The following NDUFAF6 variants were observed in gnomAD, a reference collection of about 807,000 sequenced individuals.
NDUFAF6 encodes NADH dehydrogenase (ubiquinone) complex I, assembly factor 6.
Under a neutral mutation model 40.8 loss-of-function variants are expected in NDUFAF6, and 45 were observed. The observed-to-expected ratio is 1.10, with a 90% CI of 0.87 to 1.42. NDUFAF6 has a LOEUF of 1.42. Among genes scored for constraint, NDUFAF6 ranks in the 40% most tolerant of loss-of-function variants. The pLI is 0.00. For missense variants in NDUFAF6, 435 were observed against 418.5 expected, an observed-to-expected ratio of 1.04 and a Z score of -0.34; for synonymous variants, 185 against 155.9, an observed-to-expected ratio of 1.19 and a Z score of -1.39.
downstream of NDUFAF6, among the ~76,000 whole-genome samples, chr8:95,059,249 A>G (rs1428559980): frequency 2.6e-5 from 4 of 152,080 alleles, no homozygotes; most frequent in African/African-American, 9.7e-5. Context: ...AGTCTTTGGT[A>G]TCAGCTATGA....
intron 1 of NDUFAF6, among the ~76,000 whole-genome samples, chr8:94,924,360 C>T (rs923928565): frequency 1.1e-4 from 17 of 152,128 alleles, no homozygotes; most frequent in South Asian, 2.1e-4. Context: ...GCACCCGGCC[C>T]CTTCCTCAGT....
intron 1 of NDUFAF6, chr8:94,939,876 T>A: frequency 6.2e-7 from 1 of 1,613,092 alleles, no homozygotes; most frequent in Non-Finnish European, 8.5e-7. Context: ...CTACTTGGGC[T>A]ATGTAATTCA....
intron 1 of NDUFAF6, chr8:94,940,333 A>G: frequency 7.9e-7 from 1 of 1,263,076 alleles, no homozygotes; most frequent in Non-Finnish European, 1.1e-6. Flanking sequence ...ACAGCACAGA[A>G]AAAGAAGAGA....
intron 9 of NDUFAF6, chr8:95,068,300 A>C (rs1832752122): frequency 6.6e-6 from 1 of 151,914 alleles, no homozygotes; most frequent in African/African-American, 2.4e-5. Context: ...AGGGAAAAGT[A>C]TATCTACTCC....
chr8:94,924,729 T>C (rs529795077), intron 1 of NDUFAF6, among the ~76,000 whole-genome samples: 16 of 151,470 alleles, frequency 1.1e-4, no homozygotes, highest in Admixed American at 7.2e-4. Context: ...CATTCCAGAG[T>C]AGGGTTTTTG....
At chr8:95,013,355 C>T (rs1827303926) in intron 2 of NDUFAF6, among the ~76,000 whole-genome samples, 1 of 152,224 alleles carries the variant, frequency 6.6e-6, no homozygotes. Context: ...ATCCTCCCAC[C>T]ATGGCCTCCC....
intron 1 of NDUFAF6, among the ~76,000 whole-genome samples, chr8:94,920,816 T>G (rs1586652772): frequency 1.3e-5 from 2 of 152,104 alleles, no homozygotes; most frequent in African/African-American, 4.8e-5. Flanking sequence ...TCATTTAGGG[T>G]TCTGCATTCA....
chr8:95,050,615 A>G (rs1831320571), intron 7 of NDUFAF6, among the ~76,000 whole-genome samples: 1 of 152,236 alleles, frequency 6.6e-6, no homozygotes, highest in Non-Finnish European at 1.5e-5. Flanking sequence ...CATATTGTAC[A>G]TGAAATATGT....
chr8:95,005,554 A>ATAAATATAT (rs1554657858), intron 2 of NDUFAF6, among the ~76,000 whole-genome samples: 2 of 115,354 alleles, frequency 1.7e-5, no homozygotes, highest in African/African-American at 7.5e-5. Flanking sequence ...TATATATATA[A>ATAAATATAT]AAAATATATT....
chr8:95,041,572 T>A lies in NDUFAF6; in HGVS notation c.423T>A (p.Ala141=), dbSNP rs1164313338. ...TTATAATGCTCTTTGTTTTTTAGGCTGTTAAAAGACATAATCTGACTAAAA... is the reference window on the plus strand; with the variant it reads ...TTATAATGCTCTTTGTTTTTTAGGCAGTTAAAAGACATAATCTGACTAAAA... ...HQPVAIELWK[A]VKRHNLTKRW... The change falls in exon 4 of 9, where the codon GCT becomes GCA. Residue 141 remains alanine (A), a splice_region_variant and synonymous_variant. Transcript: ENST00000396124. The A allele has an allele frequency of 6.2e-7, 1 of 1,605,746 alleles. No individual in the cohort carries two copies. The highest frequency in any genetic ancestry group is 8.5e-7 in the Non-Finnish European group (1 of 1,172,670).
chr8:95,010,888 G>T (rs567963762), intron 2 of NDUFAF6, among the ~76,000 whole-genome samples: 3 of 152,344 alleles, frequency 2.0e-5, no homozygotes, highest in African/African-American at 4.8e-5. Flanking sequence ...AAGGAAGCAG[G>T]CTTGGGCAGA....
chr8:94,930,367 T>C, intron 1 of NDUFAF6: 5 of 1,423,132 alleles, frequency 3.5e-6, no homozygotes, highest in East Asian at 2.3e-5. Flanking sequence ...GATAAAACTA[T>C]GTGATTGGTT....
chr8:95,057,267 T>C (rs1374308330), intron 8 of NDUFAF6, among the ~76,000 whole-genome samples: 1 of 152,256 alleles, frequency 6.6e-6, no homozygotes, highest in Non-Finnish European at 1.5e-5. Context: ...TCTATCCTGC[T>C]GCTATCCTTG....
downstream of NDUFAF6, among the ~76,000 whole-genome samples, chr8:95,105,066 C>CACAGAGAGAG (rs1484172223): frequency 1.4e-5 from 1 of 72,770 alleles, no homozygotes; most frequent in African/African-American, 4.1e-5. Flanking sequence ...CACACACACA[C>CACAGAGAGAG]AGAGAGAGAG....
At position 94,940,029 on chromosome 8, in the gene NDUFAF6, G is replaced by C. The variant is rs200402440; in HGVS notation, c.-935-5454G>C. On this transcript the variant is annotated intron_variant, in intron 1 of 14. Transcript: ENST00000396113. ...GTTAATCCACCTGCAGTAAAACATG[G>C]GGGTGGGGTGATAAACCAGCTCTCC... 81 of 1,614,166 alleles carry C rather than the reference G, an allele frequency of 5.0e-5. No individual in the cohort carries two copies. Among genetic ancestry groups the C allele is most frequent in the Non-Finnish European group, 6.4e-5 (76 of 1,180,020 alleles).
intron 8 of NDUFAF6, 73 bp from the exon 9 acceptor site, chr8:95,057,736 C>A: frequency 8.7e-7 from 1 of 1,151,344 alleles, no homozygotes; most frequent in Non-Finnish European, 1.3e-6. Context: ...TGTAATTATT[C>A]TTTAGTTAGT....
Position 95,058,468 on chromosome 8 carries a change from G to C in NDUFAF6, c.*531G>C, listed in dbSNP as rs118121007. 1 of 1,229,524 alleles carries C rather than the reference G, an allele frequency of 8.1e-7. No individual in the cohort carries two copies. The highest frequency in any genetic ancestry group is 1.6e-5 in the African/African-American group (1 of 64,332). The allele number at this position is 1,229,524 out of a possible 1,614,324, so 76.2% of individuals were successfully genotyped here. A position where few individuals can be genotyped will look rare whatever the true frequency, so the allele number is the denominator to read the frequency against. On this transcript the variant is annotated 3_prime_UTR_variant, in exon 9 of 9. Coordinates refer to ENST00000396124, the MANE Select transcript of NDUFAF6 (RefSeq NM_152416.4). ...CTTAACGTTTAATTTTTACAATCTT[G>C]TGTAAAAATTTATCCATGATAATAA... is the stretch of plus-strand genomic sequence containing the variant.
chr8:95,062,794 G>A (rs1000347035), downstream of NDUFAF6, among the ~76,000 whole-genome samples: 5 of 152,108 alleles, frequency 3.3e-5, no homozygotes, highest in African/African-American at 1.2e-4. Context: ...ATTTGTCTTT[G>A]TATACCCAGA....
chr8:95,047,256 G>T, intron 6 of NDUFAF6, 129 bp downstream of exon 6: 3 of 1,322,072 alleles, frequency 2.3e-6, no homozygotes, highest in Non-Finnish European at 3.2e-6. Context: ...TACTAAAAAT[G>T]GCCTTCCTCT....
Sources: gnomAD v4.1 joint callset for allele counts (sites outside exome capture counted in the v4.1 genomes callset) on GRCh38, gnomAD v4.1.1 for gene constraint, MANE v1.5 for transcripts, NCBI Gene and HGNC (gene_info 2026-07-23, HGNC 2026-07-21) for gene names.